The following PSD3 variants were observed in gnomAD, a reference collection of about 807,000 sequenced individuals.
PSD3 encodes the protein PH and SEC7 domain-containing protein 3.
PSD3 carries 49 observed loss-of-function variants against 105.5 expected under a neutral mutation model. That is an observed-to-expected ratio of 0.46 (90% CI 0.37 to 0.59). PSD3 has a LOEUF of 0.59. Ranked by LOEUF, PSD3 falls within the 20% of genes least tolerant of loss-of-function variation. The pLI is 0.00. For missense variants in PSD3, 1,561 were observed against 1,263.8 expected (o/e 1.24, Z -3.57); for synonymous variants, 557 against 457.8 (o/e 1.22, Z -2.77).
chr8:18,881,238 T>A (rs1474376477), intron 2 of PSD3, among the ~76,000 whole-genome samples: 1 of 152,208 alleles, frequency 6.6e-6, no homozygotes, highest in Non-Finnish European at 1.5e-5. Flanking sequence ...TACATTTGAA[T>A]GTTAAGATGA....
chr8:18,905,073 C>T (rs991941170), intron 2 of PSD3, among the ~76,000 whole-genome samples: 5 of 152,118 alleles, frequency 3.3e-5, no homozygotes, highest in Non-Finnish European at 7.4e-5. Flanking sequence ...AATTAAAAAA[C>T]TGAGGCGAGA....
At chr8:18,744,739 T>C (rs1261747685) in intron 9 of PSD3, among the ~76,000 whole-genome samples, 2 of 152,218 alleles carry the variant, frequency 1.3e-5, no homozygotes, top group African/African-American at 4.8e-5. Flanking sequence ...AATGTTGGTA[T>C]AGTATTAACT....
At chr8:18,657,178 G>C (rs995260957) in intron 9 of PSD3, among the ~76,000 whole-genome samples, 1 of 152,188 alleles carries the variant, frequency 6.6e-6, no homozygotes, top group South Asian at 2.1e-4. Context: ...CAGCAGAGCA[G>C]AACTGCCTTG....
rs375957000 is a variant in PSD3, at chr8:18,575,289, T to C, written c.2482-4A>G. 10 of 1,561,872 alleles carry C rather than the reference T, an allele frequency of 6.4e-6. No individual in the cohort carries two copies. The African/African-American group carries it at 8.2e-5, about 13-fold the overall frequency. On this transcript the variant is annotated splice_region_variant and splice_polypyrimidine_tract_variant and intron_variant, in intron 12 of 15. Coordinates refer to ENST00000327040, the MANE Select transcript of PSD3 (RefSeq NM_015310.4). Reference sequence around the variant, plus strand: ...CCTTTTCTGGCTTGTATTCATCCTATAGATGGACACAAAGAAAATAAAGGC... The same window carrying C: ...CCTTTTCTGGCTTGTATTCATCCTACAGATGGACACAAAGAAAATAAAGGC...
intron 9 of PSD3, among the ~76,000 whole-genome samples, chr8:18,670,713 A>T (rs569256552): frequency 4.8e-4 from 73 of 152,324 alleles, no homozygotes; most frequent in African/African-American, 1.7e-3. Context: ...ATTAAGAGAT[A>T]AAGGAAAGAA....
intron 4 of PSD3, among the ~76,000 whole-genome samples, chr8:18,818,091 C>A (rs983398345): frequency 6.6e-6 from 1 of 152,074 alleles, no homozygotes; most frequent in African/African-American, 2.4e-5. Context: ...GCAGCTGGGA[C>A]TACAGGCACC....
At chr8:18,716,273 A>T (rs1291214846) in intron 9 of PSD3, among the ~76,000 whole-genome samples, 1 of 152,252 alleles carries the variant, frequency 6.6e-6, no homozygotes, top group Non-Finnish European at 1.5e-5. Flanking sequence ...TACACACCTC[A>T]TATGGTGTGT....
At chr8:18,569,504 A>C (rs1207115368) in intron 14 of PSD3, among the ~76,000 whole-genome samples, 3 of 147,718 alleles carry the variant, frequency 2.0e-5, no homozygotes, top group Non-Finnish European at 3.0e-5. Context: ...CCCATTCACA[A>C]TTGCTTCAAA....
intron 1 of PSD3, among the ~76,000 whole-genome samples, chr8:19,074,595 ATATATATATATATATATTTT>A (rs1563546444): frequency 2.2e-3 from 27 of 12,100 alleles, no homozygotes; most frequent in Middle Eastern, 0.056. Context: ...ATATATACAT[ATATATATATATATATATTTT>A]TTTTTTTTTT....
At chr8:18,570,923 G>C (rs1289202234) in intron 14 of PSD3, among the ~76,000 whole-genome samples, 12 of 151,608 alleles carry the variant, frequency 7.9e-5, no homozygotes, top group Admixed American at 7.9e-4. Flanking sequence ...GCAGTGGCAT[G>C]ATCTCGGCTC....
At chr8:18,764,572 G>A (rs1328872676) in intron 9 of PSD3, among the ~76,000 whole-genome samples, 1 of 152,058 alleles carries the variant, frequency 6.6e-6, no homozygotes, top group Non-Finnish European at 1.5e-5. Flanking sequence ...AAATCTGGCA[G>A]AACTCTATTC....
chr8:18,968,886 A>T (rs1257521656), intron 1 of PSD3, among the ~76,000 whole-genome samples: 2 of 149,780 alleles, frequency 1.3e-5, no homozygotes, highest in South Asian at 4.2e-4. Context: ...CTCCAAAAAA[A>T]AAAAAAAAAA....
chr8:18,614,032 T>C (rs1439676246), intron 11 of PSD3, among the ~76,000 whole-genome samples: 1 of 152,230 alleles, frequency 6.6e-6, no homozygotes, highest in Non-Finnish European at 1.5e-5. Flanking sequence ...AATCTGTGTC[T>C]CCTGAATTAT....
At chr8:19,055,848 G>C (rs1828693077) in intron 1 of PSD3, among the ~76,000 whole-genome samples, 1 of 152,200 alleles carries the variant, frequency 6.6e-6, no homozygotes, top group South Asian at 2.1e-4. Flanking sequence ...TGATTGGAAA[G>C]CTGTTCACCA....
intron 9 of PSD3, among the ~76,000 whole-genome samples, chr8:18,708,790 T>G (rs959877385): frequency 6.6e-6 from 1 of 151,176 alleles, no homozygotes; most frequent in Non-Finnish European, 1.5e-5. Flanking sequence ...ATCCGGATTA[T>G]CTCACTGGGA....
chr8:18,575,118 C>A lies in PSD3; in HGVS notation c.2639+10G>T. On this transcript the variant is annotated intron_variant, in intron 13 of 15. Transcript: ENST00000327040. ...AAACACAAAATCAAATAAAAACCAACAAAACATACTGAGTTTGAAAAAGCA... is the reference window on the plus strand; with the variant it reads ...AAACACAAAATCAAATAAAAACCAAAAAAACATACTGAGTTTGAAAAAGCA... The A allele has an allele frequency of 6.2e-7, 1 of 1,608,588 alleles. No individual in the cohort carries two copies. Among genetic ancestry groups the A allele is most frequent in the Non-Finnish European group, 8.5e-7 (1 of 1,177,678 alleles).
intron 1 of PSD3, among the ~76,000 whole-genome samples, chr8:18,941,321 C>T (rs1822523408): frequency 6.6e-6 from 1 of 152,172 alleles, no homozygotes; most frequent in Non-Finnish European, 1.5e-5. Context: ...CTTCAGCTTC[C>T]CTATTGATAA....
At chr8:18,967,819 A>G (rs1824376597) in intron 1 of PSD3, among the ~76,000 whole-genome samples, 2 of 152,350 alleles carry the variant, frequency 1.3e-5, no homozygotes, top group South Asian at 4.1e-4. Flanking sequence ...GGTTATCAGG[A>G]AAATCAGGTG....
At position 18,684,508 on chromosome 8, in the gene PSD3, T is replaced by C. The variant is rs189923127; in HGVS notation, c.2173-28823A>G. Among the ~76,000 whole-genome samples, 6 of 152,306 alleles carry C rather than the reference T, an allele frequency of 3.9e-5. No individual in the cohort carries two copies. In the East Asian group the frequency reaches 9.7e-4, roughly 25 times the overall value. On this transcript the variant is annotated intron_variant, in intron 9 of 15. Coordinates refer to ENST00000327040, the MANE Select transcript of PSD3 (RefSeq NM_015310.4). ...AAAGGCTCAATTAATTACAGGCTAG[T>C]GAAACGATGCGAGACACAAAGGCAT...
Sources: gnomAD v4.1 joint callset for allele counts (sites outside exome capture counted in the v4.1 genomes callset) on GRCh38, gnomAD v4.1.1 for gene constraint, MANE v1.5 for transcripts, NCBI Gene and HGNC (gene_info 2026-07-23, HGNC 2026-07-21) for gene names.